The following FRMD8 variants were observed in gnomAD, a reference collection of about 807,000 sequenced individuals.
FRMD8 encodes the protein FERM domain-containing protein 8.
Under a neutral mutation model 54.2 loss-of-function variants are expected in FRMD8, and 37 were observed. The observed-to-expected ratio is 0.68, with a 90% CI of 0.53 to 0.90. The LOEUF is 0.90. Ranked by LOEUF, FRMD8 falls within the 40% of genes least tolerant of loss-of-function variation. FRMD8 has a pLI of 0.00. For missense variants in FRMD8, 585 were observed against 653.7 expected, an observed-to-expected ratio of 0.89 and a Z score of 1.15; for synonymous variants, 246 against 286.9, an observed-to-expected ratio of 0.86 and a Z score of 1.44.
At chr11:65,396,531 C>G (rs941321618) in intron 6 of FRMD8, among the ~76,000 whole-genome samples, 1 of 152,126 alleles carries the variant, frequency 6.6e-6, no homozygotes, top group Non-Finnish European at 1.5e-5. Flanking sequence ...GAAGCAGGCG[C>G]AGGACAGGAG....
At chr11:65,393,473 T>C (rs1453768149) in intron 3 of FRMD8, 100 bp from the exon 4 acceptor site, 17 of 807,112 alleles carry the variant, frequency 2.1e-5, no homozygotes, top group Non-Finnish European at 2.9e-5. Flanking sequence ...TCAGTTACTA[T>C]TGGTTGCGAC....
At chr11:65,379,427 C>A in the FRMD8 span, 19 of 1,612,854 alleles carry the variant, frequency 1.2e-5, no homozygotes, top group South Asian at 2.1e-4. Flanking sequence ...TGTAGCTGGG[C>A]GGCTGGGCCC....
intron 9 of FRMD8, among the ~76,000 whole-genome samples, chr11:65,401,322 C>CTCCCTCCCCTGCTTCCCTCCCCTGCT (rs1190474858): frequency 1.9e-4 from 26 of 134,362 alleles, no homozygotes; most frequent in African/African-American, 6.6e-4. Flanking sequence ...CCTCCCCAGC[C>CTCCCTCCCCTGCTTCCCTCCCCTGCT]TCCCTCCCCA....
upstream of FRMD8, among the ~76,000 whole-genome samples, chr11:65,385,510 G>A (rs934206697): frequency 2.0e-5 from 3 of 152,158 alleles, no homozygotes; most frequent in Non-Finnish European, 4.4e-5. Context: ...GCTGTCACTT[G>A]GGACAACTTC....
In FRMD8 at chr11:65,399,769, G is replaced by A. The variant is rs755689322; in HGVS notation, c.837G>A (p.Pro279=). ...CAFFHGEVDK[P]AQGFLHRGGR... ...TCTTCCACGGTGAGGTTGACAAGCC[G>A]GCCCAAGGCTTTTTGCACCGGGGTG... The change falls in exon 8 of 11, where the codon CCG becomes CCA. Residue 279 remains proline (P), a synonymous_variant. Coordinates refer to ENST00000317568, the MANE Select transcript of FRMD8 (RefSeq NM_031904.5). The A allele has an allele frequency of 1.7e-5, 28 of 1,613,918 alleles. No homozygotes were observed. Among genetic ancestry groups the A allele is most frequent in the Admixed American group, 3.3e-5 (2 of 59,978 alleles).
chr11:65,371,125 G>A, the FRMD8 span, among the ~76,000 whole-genome samples: 3 of 152,132 alleles, frequency 2.0e-5, no homozygotes, highest in African/African-American at 7.2e-5. Flanking sequence ...GAGCAGGCTG[G>A]AGACACCAGT....
rs549837098 is a variant in FRMD8 at position 65,405,990 on chromosome 11, G to A, written c.1276+922G>A. On this transcript the variant is annotated intron_variant, in intron 10 of 10. Transcript: ENST00000317568. ...ACTGCACTCCAGCCTGGGTGACAACGATGAGACCCTATATATATATATTTT... is the reference window on the plus strand; with the variant it reads ...ACTGCACTCCAGCCTGGGTGACAACAATGAGACCCTATATATATATATTTT... Among the ~76,000 whole-genome samples, 4 of 151,798 alleles carry A rather than the reference G, an allele frequency of 2.6e-5. No individual in the cohort carries two copies. The East Asian group carries it at 5.8e-4, about 22-fold the overall frequency.
rs115621879 is a variant in FRMD8, at chr11:65,397,347, G to A, written c.803+327G>A. Among the ~76,000 whole-genome samples, 914 of 152,296 alleles carry A rather than the reference G, an allele frequency of 6.0e-3. 8 individuals are homozygous for A. The highest frequency in any genetic ancestry group is 0.021 in the African/African-American group (874 of 41,556). ...AAACAGCTCTGTGCACCTACTGCAC[G>A]CACGCTCCCTGGGCACTGGAGGTCC... On this transcript the variant is annotated intron_variant, in intron 7 of 10. Transcript: ENST00000317568.
intron 3 of FRMD8, 78 bp downstream of exon 3, chr11:65,389,606 T>G: frequency 5.6e-6 from 8 of 1,422,472 alleles, no homozygotes; most frequent in Non-Finnish European, 7.5e-6. Flanking sequence ...GGGCAGTGTT[T>G]GGAGCCGCTG....
intron 1 of FRMD8, 85 bp downstream of exon 1, chr11:65,386,846 C>T: frequency 1.7e-6 from 1 of 589,634 alleles, no homozygotes. Flanking sequence ...GGTCGACCCC[C>T]GGTTCTTGAC....
rs1281294040 is a variant in FRMD8, at chr11:65,393,554, T to C, written c.254-19T>C. 3 of 1,596,810 alleles carry C rather than the reference T, an allele frequency of 1.9e-6. No individual in the cohort carries two copies. The highest frequency in any genetic ancestry group is 2.6e-6 in the Non-Finnish European group (3 of 1,172,046). On this transcript the variant is annotated intron_variant, in intron 3 of 10. Coordinates refer to ENST00000317568, the MANE Select transcript of FRMD8 (RefSeq NM_031904.5). The stretch of plus-strand genomic sequence containing the variant: ...ACTGGCCGGAGGCTGCATGGGCCAC[T>C]CCCCATCTCGTCCTGCAGAGGTGCA...
rs761519836 is a variant in FRMD8 at position 65,404,936 on chromosome 11, G to A, written c.1144G>A (p.Asp382Asn). 28 of 1,613,210 alleles carry A rather than the reference G, an allele frequency of 1.7e-5. 1 individual carries two copies. The South Asian group carries it at 2.5e-4, about 15-fold the overall frequency. Residue 382 changes from aspartate (D) to asparagine (N), a missense_variant, in exon 10 of 11, where the codon GAC becomes AAC. Asp to Asn is a conservative substitution (Grantham distance 23). Transcript: ENST00000317568. This position sits in a 1 kb window ranked among gnomAD's most constrained non-coding sequence, Gnocchi z 4.7. The part of the protein sequence containing the change: ...SQAAEPAGPQ[D>N]SATGSPSDPS... ...GGCGGCGGAGCCCGCAGGCCCCCAG[G>A]ACAGTGCGACTGGCTCGCCCTCGGA...
the FRMD8 span, among the ~76,000 whole-genome samples, chr11:65,373,241 GA>G: frequency 1.3e-5 from 2 of 150,218 alleles, no homozygotes; most frequent in South Asian, 2.1e-4. Flanking sequence ...CATCTCAAAA[GA>G]AAAAAAAAGG....
chr11:65,396,130 G>C (rs972764525), intron 6 of FRMD8, among the ~76,000 whole-genome samples: 1 of 152,198 alleles, frequency 6.6e-6, no homozygotes, highest in African/African-American at 2.4e-5. Context: ...TTTCCCTTCG[G>C]CTCCTATGAG....
Position 65,400,938 on chromosome 11 carries a change from G to A in FRMD8, c.1071+71G>A. The A allele has an allele frequency of 6.7e-7, 1 of 1,489,578 alleles. No homozygotes were observed. Among genetic ancestry groups the A allele is most frequent in the Non-Finnish European group, 9.0e-7 (1 of 1,112,254 alleles). 92.3% of individuals were successfully genotyped at this position (1,489,578 alleles called of 1,614,324 possible). A position where few individuals can be genotyped will look rare whatever the true frequency, so the allele number is the denominator to read the frequency against. ...GTGCCCTGGGTCCCAGACAATTAGA[G>A]GCACCAGGCTGGCGGGCAAGGAGGT... On this transcript the variant is annotated intron_variant, in intron 9 of 10. Transcript: ENST00000317568. This position sits in a 1 kb window ranked among gnomAD's most constrained non-coding sequence, Gnocchi z 4.3.
At chr11:65,391,108 T>C (rs1042086038) in intron 3 of FRMD8, among the ~76,000 whole-genome samples, 1 of 152,076 alleles carries the variant, frequency 6.6e-6, no homozygotes, top group Non-Finnish European at 1.5e-5. Flanking sequence ...GGAGGGGCGC[T>C]GTCTTCTGGA....
chr11:65,399,362 G>C (rs1856021128), intron 7 of FRMD8, among the ~76,000 whole-genome samples: 1 of 152,094 alleles, frequency 6.6e-6, no homozygotes, highest in African/African-American at 2.4e-5. Context: ...GCAGGTCCCT[G>C]CTGCTGAAAG....
intron 2 of FRMD8, 35 bp from the exon 3 acceptor site, chr11:65,389,326 A>G: frequency 6.2e-7 from 1 of 1,602,726 alleles, no homozygotes; most frequent in Non-Finnish European, 8.5e-7. Context: ...TGCCAGGCAG[A>G]GGCCTCAGCT....
At chr11:65,379,518 A>G in the FRMD8 span, 42 of 1,613,276 alleles carry the variant, frequency 2.6e-5, no homozygotes, top group Admixed American at 3.5e-4. Flanking sequence ...GACCACAGCT[A>G]TGCTGGCAAT....
Sources: allele counts gnomAD v4.1 joint callset (sites outside exome capture counted in the v4.1 genomes callset), GRCh38; gene constraint gnomAD v4.1.1; non-coding constraint Gnocchi (gnomAD v3.1); transcripts MANE v1.5; gene names NCBI Gene and HGNC (gene_info 2026-07-23, HGNC 2026-07-21).